DHRS4L2: variants seen among roughly 807,000 people sequenced by gnomAD.
The protein encoded by DHRS4L2 is dehydrogenase/reductase 4 like 2.
In DHRS4L2, 22 loss-of-function variants were observed where a neutral mutation model predicts 23.9. The ratio of observed to expected loss-of-function variants is 0.92; its 90% CI spans 0.66 to 1.31. The LOEUF (loss-of-function observed/expected upper bound fraction) is 1.31, where lower values mean the gene tolerates loss of function less well. DHRS4L2 is among the 40% of genes most tolerant of loss of function. The pLI, the probability that DHRS4L2 is intolerant of heterozygous loss-of-function variation, is 0.00. For synonymous variants in DHRS4L2, 141 were observed against 123.7 expected, an observed-to-expected ratio of 1.14 and a Z score of -0.93; for missense variants, 385 against 303.3, an observed-to-expected ratio of 1.27 and a Z score of -2.00.
chr14:23,980,639 G>C (rs2034034678), intron 1 of DHRS4L2, among the ~76,000 whole-genome samples: 1 of 149,418 alleles, frequency 6.7e-6, no homozygotes, highest in Admixed American at 6.7e-5. Flanking sequence ...GGGATACAAG[G>C]CTGGTTCAAC....
intron 1 of DHRS4L2, among the ~76,000 whole-genome samples, chr14:23,977,827 A>C (rs2033995877): frequency 6.6e-6 from 1 of 151,624 alleles, no homozygotes; most frequent in South Asian, 2.1e-4. Context: ...AAAAACCCAC[A>C]ATTATTGCAC....
intron 1 of DHRS4L2, 60 bp downstream of exon 1, chr14:23,989,135 T>C: frequency 3.9e-6 from 6 of 1,541,112 alleles, no homozygotes; most frequent in Non-Finnish European, 5.3e-6. Context: ...CACTGGTGTC[T>C]CGTCCTTTGC....
chr14:24,001,163 T>G, intron 5 of DHRS4L2, 79 bp downstream of exon 5: 1 of 1,607,862 alleles, frequency 6.2e-7, no homozygotes, highest in Middle Eastern at 1.7e-4. Flanking sequence ...CCAAAGAAGT[T>G]TGTGTCCCCT....
intron 1 of DHRS4L2, among the ~76,000 whole-genome samples, 180 bp downstream of exon 1, chr14:23,989,255 C>A (rs1343789205): frequency 6.8e-6 from 1 of 147,114 alleles, no homozygotes; most frequent in African/African-American, 2.5e-5. Context: ...CCCTCCCTTG[C>A]CAGCCCTTCT....
chr14:23,990,760 A>G (rs2034252989), intron 2 of DHRS4L2: 1 of 621,174 alleles, frequency 1.6e-6, no homozygotes, highest in Non-Finnish European at 2.1e-6. Context: ...ACTATGTGCC[A>G]TTTCCTGTGT....
At position 23,999,361 on chromosome 14, in the gene DHRS4L2, A is replaced by AC. The variant is rs796680866; in HGVS notation, c.409-1502_409-1501insC. Among the ~76,000 whole-genome samples, 216 of 145,206 alleles carry AC rather than the reference A, an allele frequency of 1.5e-3. 5 individuals carry two copies. In the South Asian group the frequency reaches 0.016, roughly 11 times the overall value. ...CCAATTTGTAAAAAAAAAAAAAAAA[A>AC]AAAAAAAAAAAAACAATATCTGCAA... On this transcript the variant is annotated intron_variant, in intron 3 of 7. Coordinates refer to ENST00000335125, the MANE Select transcript of DHRS4L2 (RefSeq NM_198083.4).
At chr14:23,969,968 G>C (rs1174378416) in exon 1 of DHRS4L2, 1 of 454,322 alleles carries the variant, frequency 2.2e-6, no homozygotes, top group Non-Finnish European at 4.4e-6. Flanking sequence ...ACTGTCTGGA[G>C]CGGGCTCGCC....
intron 1 of DHRS4L2, among the ~76,000 whole-genome samples, chr14:23,983,769 A>G (rs1163289758): frequency 5.3e-5 from 8 of 151,756 alleles, no homozygotes; most frequent in African/African-American, 9.7e-5. Flanking sequence ...TTCTCAGCAA[A>G]CTAACACAAA....
chr14:23,989,636 C>T (rs1263922160), intron 1 of DHRS4L2, among the ~76,000 whole-genome samples: 1 of 151,576 alleles, frequency 6.6e-6, no homozygotes, highest in East Asian at 1.9e-4. Context: ...TAGATGCCAG[C>T]TCTTCACAAA....
chr14:23,973,155 T>C (rs1185292819), intron 1 of DHRS4L2, among the ~76,000 whole-genome samples: 1 of 151,928 alleles, frequency 6.6e-6, no homozygotes, highest in Admixed American at 6.5e-5. Flanking sequence ...CCTTTATGGG[T>C]GTCAGGCTGG....
At chr14:23,978,171 C>A (rs2034002618) in intron 1 of DHRS4L2, among the ~76,000 whole-genome samples, 2 of 151,134 alleles carry the variant, frequency 1.3e-5, no homozygotes, top group African/African-American at 4.9e-5. Context: ...AAACTTTGGC[C>A]CAGCGTACAA....
chr14:23,976,288 G>A (rs578181131), intron 1 of DHRS4L2, among the ~76,000 whole-genome samples: 58 of 151,732 alleles, frequency 3.8e-4, no homozygotes, highest in Admixed American at 1.8e-3. Context: ...TCAAAAAGTG[G>A]GTAAAAAGTA....
chr14:23,987,523 A>ATTTCATGGCATTTC (rs1476911910), upstream of DHRS4L2, among the ~76,000 whole-genome samples: 1 of 151,648 alleles, frequency 6.6e-6, no homozygotes, highest in Non-Finnish European at 1.5e-5. Flanking sequence ...TCATGCCTAG[A>ATTTCATGGCATTTC]ACTGGATTTC....
chr14:23,975,853 G>C (rs2138508952), intron 1 of DHRS4L2, among the ~76,000 whole-genome samples: 1 of 151,844 alleles, frequency 6.6e-6, no homozygotes, highest in Non-Finnish European at 1.5e-5. Context: ...ACAAGCAATG[G>C]GGAAAGGATT....
intron 1 of DHRS4L2, among the ~76,000 whole-genome samples, chr14:23,975,010 T>G (rs2033939841): frequency 6.6e-6 from 1 of 151,822 alleles, no homozygotes; most frequent in Admixed American, 6.6e-5. Context: ...AATAAAATAC[T>G]GGCAAACCGA....
rs1345555701 is a variant in DHRS4L2 at position 23,991,803 on chromosome 14, C to T, written c.306+1444C>T. On this transcript the variant is annotated intron_variant, in intron 2 of 7. Transcript: ENST00000335125. The stretch of plus-strand genomic sequence containing the variant: ...CCAGGCTGAAGTGATATGGCACAAT[C>T]TCAGCTCACTGCAACCTACGCCTCC... Among the ~76,000 whole-genome samples the T allele has an allele frequency of 3.3e-5, 5 of 149,734 alleles. No individual in the cohort carries two copies. In the East Asian group the frequency reaches 9.9e-4, roughly 30 times the overall value.
At chr14:23,999,499 T>C (rs940663127) in intron 3 of DHRS4L2, among the ~76,000 whole-genome samples, 6 of 150,002 alleles carry the variant, frequency 4.0e-5, no homozygotes, top group African/African-American at 1.5e-4. Flanking sequence ...CTCTGGACTT[T>C]AAAAAACACA....
At chr14:24,004,312 A>G (rs1384044779) in intron 6 of DHRS4L2, 25 bp from the exon 7 acceptor site, 2 of 1,572,770 alleles carry the variant, frequency 1.3e-6, no homozygotes, top group Non-Finnish European at 1.7e-6. Flanking sequence ...AAAAAAACAT[A>G]AAGAGATTTC....
At chr14:23,977,859 G>A (rs2033996408) in intron 1 of DHRS4L2, among the ~76,000 whole-genome samples, 1 of 151,586 alleles carries the variant, frequency 6.6e-6, no homozygotes, top group Non-Finnish European at 1.5e-5. Context: ...CATGTTAATT[G>A]TATCCTTCCC....
Sources: allele counts gnomAD v4.1 joint callset (sites outside exome capture counted in the v4.1 genomes callset), GRCh38; gene constraint gnomAD v4.1.1; transcripts MANE v1.5; gene names NCBI Gene and HGNC (gene_info 2026-07-23, HGNC 2026-07-21).